The following THSD7B variants were observed in gnomAD, a reference collection of about 807,000 sequenced individuals.
THSD7B encodes the protein thrombospondin type 1 domain containing 7B.
Under a neutral mutation model 213.6 loss-of-function variants are expected in THSD7B, and 138 were observed. That is an observed-to-expected ratio of 0.65 (90% CI 0.56 to 0.74). THSD7B has a LOEUF of 0.74. Among genes scored for constraint, THSD7B ranks in the 30% least tolerant of loss-of-function variants. The pLI, the probability that THSD7B is intolerant of heterozygous loss-of-function variation, is 0.00. For synonymous variants in THSD7B, 742 were observed against 687.0 expected, an observed-to-expected ratio of 1.08 and a Z score of -1.25; for missense variants, 1,931 against 1,991.5, an observed-to-expected ratio of 0.97 and a Z score of 0.58.
chr2:137,477,929 A>G (rs1450304665), intron 15 of THSD7B, among the ~76,000 whole-genome samples: 3 of 151,808 alleles, frequency 2.0e-5, no homozygotes, highest in East Asian at 1.9e-4. Flanking sequence ...TTGCCCTGTA[A>G]GGTTTCTATT....
At chr2:136,956,447 G>A (rs1685125362) in intron 2 of THSD7B, among the ~76,000 whole-genome samples, 1 of 151,786 alleles carries the variant, frequency 6.6e-6, no homozygotes, top group Admixed American at 6.6e-5. Flanking sequence ...CTTTTGTATA[G>A]CAAAGTGTTC....
chr2:137,298,958 C>A (rs918852801), intron 12 of THSD7B, among the ~76,000 whole-genome samples: 1 of 152,098 alleles, frequency 6.6e-6, no homozygotes, highest in African/African-American at 2.4e-5. Context: ...GGGGCACTGC[C>A]TAGTGGAGCT....
At chr2:137,047,167 GAGAA>G (rs1238566923) in intron 2 of THSD7B, among the ~76,000 whole-genome samples, 4 of 152,198 alleles carry the variant, frequency 2.6e-5, no homozygotes, top group African/African-American at 9.7e-5. Context: ...ATCCATGCGA[GAGAA>G]AGCAATGGTC....
At chr2:137,311,522 A>G (rs1484603626) in intron 12 of THSD7B, among the ~76,000 whole-genome samples, 3 of 152,078 alleles carry the variant, frequency 2.0e-5, no homozygotes, top group Middle Eastern at 3.4e-3. Flanking sequence ...AATTGCCCTG[A>G]ACAGAACTTC....
At chr2:137,613,775 T>C (rs952985122) in intron 17 of THSD7B, among the ~76,000 whole-genome samples, 1 of 152,178 alleles carries the variant, frequency 6.6e-6, no homozygotes, top group Non-Finnish European at 1.5e-5. Flanking sequence ...ATCATCCAGA[T>C]AGATGTAAAC....
At chr2:136,852,143 A>T (rs1308928369) in intron 1 of THSD7B, among the ~76,000 whole-genome samples, 2 of 152,060 alleles carry the variant, frequency 1.3e-5, no homozygotes, top group African/African-American at 4.8e-5. Flanking sequence ...CTCTGGCTCA[A>T]AGTGGAGAGA....
intron 15 of THSD7B, among the ~76,000 whole-genome samples, chr2:137,533,778 A>G (rs78244380): frequency 0.017 from 2,588 of 152,006 alleles, 70 homozygotes; most frequent in African/African-American, 0.059. Flanking sequence ...CAAGTTGCAT[A>G]TGATTAAAAG....
rs115762340 is a variant in THSD7B at position 137,094,297 on chromosome 2, G to A, written c.951-576G>A. Among the ~76,000 whole-genome samples, 607 of 152,292 alleles carry A rather than the reference G, an allele frequency of 4.0e-3. 1 individual carries two copies. Among genetic ancestry groups the A allele is most frequent in the African/African-American group, 9.8e-3 (407 of 41,562 alleles). On this transcript the variant is annotated intron_variant, in intron 3 of 27. Coordinates refer to ENST00000409968, the MANE Select transcript of THSD7B (RefSeq NM_001316349.2). ...TGAAAGCAGTCTAGAAGGGCTGGGC[G>A]CGATGGCTCATGCCTGTAGTCCCAG...
Position 137,149,713 on chromosome 2 carries a change from G to A in THSD7B, c.1370-10500G>A, listed in dbSNP as rs559250232. Among the ~76,000 whole-genome samples the A allele has an allele frequency of 2.0e-5, 3 of 152,256 alleles. No homozygotes were observed. The South Asian group carries it at 6.2e-4, about 32-fold the overall frequency. On this transcript the variant is annotated intron_variant, in intron 5 of 27. Coordinates refer to ENST00000409968, the MANE Select transcript of THSD7B (RefSeq NM_001316349.2). ...CCCTGTGGATTTCAGACTTGCATGG[G>A]GCCTGTAGCCCCTTCATTTTGGCCA...
intron 2 of THSD7B, among the ~76,000 whole-genome samples, chr2:136,919,492 T>C (rs474090): frequency 0.99 from 150,094 of 152,356 alleles, 73,981 homozygotes; most frequent in East Asian, 1. Context: ...GAATGTTTAT[T>C]TTCTAACAGG....
At chr2:137,611,307 C>G (rs930908845) in intron 17 of THSD7B, among the ~76,000 whole-genome samples, 2 of 151,916 alleles carry the variant, frequency 1.3e-5, no homozygotes, top group East Asian at 1.9e-4. Context: ...GAGTATATGA[C>G]AGATGTTTAC....
intron 15 of THSD7B, among the ~76,000 whole-genome samples, chr2:137,530,127 C>A (rs1680368882): frequency 6.6e-6 from 1 of 151,988 alleles, no homozygotes; most frequent in Non-Finnish European, 1.5e-5. Context: ...TAGCAATCAG[C>A]TATTGAGATG....
chr2:136,792,227 T>C (rs1681978751), intron 1 of THSD7B, among the ~76,000 whole-genome samples: 1 of 151,830 alleles, frequency 6.6e-6, no homozygotes, highest in Admixed American at 6.6e-5. Flanking sequence ...TGAGGAAACT[T>C]AAGTGCAAAT....
chr2:136,830,744 G>A lies in THSD7B; in HGVS notation c.-35-51400G>A, dbSNP rs1395785351. Among the ~76,000 whole-genome samples the A allele has an allele frequency of 9.2e-5, 14 of 151,902 alleles. 1 individual carries two copies. The highest frequency in any genetic ancestry group is 9.2e-4 in the Admixed American group (14 of 15,252). On this transcript the variant is annotated intron_variant, in intron 1 of 27. Transcript: ENST00000409968. ...CAGCCTATTTTTCAAATGTTTCATT[G>A]TCTGTATCATTGTCATTAAATTCAG... is the stretch of plus-strand genomic sequence containing the variant.
At chr2:137,039,114 T>A (rs934506934) in intron 2 of THSD7B, among the ~76,000 whole-genome samples, 1 of 152,228 alleles carries the variant, frequency 6.6e-6, no homozygotes, top group Non-Finnish European at 1.5e-5. Context: ...GAACTTGGCC[T>A]GCTGAATATA....
chr2:137,088,441 A>G (rs1687883720), intron 3 of THSD7B, among the ~76,000 whole-genome samples: 2 of 151,946 alleles, frequency 1.3e-5, no homozygotes, highest in African/African-American at 4.8e-5. Flanking sequence ...GGAGAAAGAA[A>G]CTGGATCCTC....
chr2:137,574,171 C>T (rs974370893), intron 17 of THSD7B, among the ~76,000 whole-genome samples: 1 of 151,930 alleles, frequency 6.6e-6, no homozygotes, highest in Non-Finnish European at 1.5e-5. Context: ...AAAACATTGC[C>T]GTCTTAAGGT....
intron 1 of THSD7B, among the ~76,000 whole-genome samples, chr2:136,803,864 G>T (rs1301842580): frequency 6.6e-6 from 1 of 152,174 alleles, no homozygotes; most frequent in Non-Finnish European, 1.5e-5. Flanking sequence ...AGAGAAGATG[G>T]ATGTCTCAGC....
intron 14 of THSD7B, among the ~76,000 whole-genome samples, chr2:137,423,500 A>G (rs1686972761): frequency 6.6e-6 from 1 of 152,080 alleles, no homozygotes; most frequent in African/African-American, 2.4e-5. Flanking sequence ...CTAACAATGA[A>G]CAATCAGAAA....
Sources: gnomAD v4.1 joint callset for allele counts (sites outside exome capture counted in the v4.1 genomes callset) on GRCh38, gnomAD v4.1.1 for gene constraint, MANE v1.5 for transcripts, NCBI Gene and HGNC (gene_info 2026-07-23, HGNC 2026-07-21) for gene names.